The following ARHGEF28 variants were observed in gnomAD, a reference collection of about 807,000 sequenced individuals.
ARHGEF28 encodes Rho guanine nucleotide exchange factor 28.
In ARHGEF28, 152 loss-of-function variants were observed where a neutral mutation model predicts 206.6. The observed-to-expected ratio is 0.74, with a 90% CI of 0.64 to 0.84. The LOEUF is 0.84. ARHGEF28 is among the 40% of genes least tolerant of loss of function. The probability of loss-of-function intolerance (pLI) is 0.00; values close to 1 mark genes in which losing one functional copy is unlikely to be tolerated. For missense variants in ARHGEF28, 2,028 were observed against 2,073.2 expected (o/e 0.98, Z 0.42); for synonymous variants, 763 against 776.4 (o/e 0.98, Z 0.29).
intron 2 of ARHGEF28, among the ~76,000 whole-genome samples, chr5:73,703,009 A>G (rs1022884832): frequency 1.3e-5 from 2 of 152,236 alleles, no homozygotes; most frequent in Admixed American, 6.5e-5. Context: ...CTGTTTGGGT[A>G]GGAAAAGTGA....
In ARHGEF28 at chr5:73,840,816, G is replaced by T. The variant is rs529324972; in HGVS notation, c.1427+56G>T. On this transcript the variant is annotated intron_variant, in intron 11 of 35. Transcript: ENST00000513042. ...AGAACATCAAAGAACCTTATAGGTAGACTTCAAAAATTCTAGTTTTAAACT... is the reference window on the plus strand; with the variant it reads ...AGAACATCAAAGAACCTTATAGGTATACTTCAAAAATTCTAGTTTTAAACT... 6.3e-5 allele frequency: 95 copies of T among 1,498,138 alleles called. No homozygotes were observed. The South Asian group carries it at 1.2e-3, about 20-fold the overall frequency. 92.8% of individuals were successfully genotyped at this position (1,498,138 alleles called of 1,614,324 possible).
At chr5:73,914,546 G>A (rs554963601) in intron 35 of ARHGEF28, among the ~76,000 whole-genome samples, 3 of 150,968 alleles carry the variant, frequency 2.0e-5, no homozygotes, top group South Asian at 2.1e-4. Context: ...ACAGGTGCCC[G>A]CCATCACACC....
chr5:73,874,058 T>C (rs966173648), intron 22 of ARHGEF28, among the ~76,000 whole-genome samples: 4 of 152,208 alleles, frequency 2.6e-5, no homozygotes, highest in African/African-American at 9.6e-5. Flanking sequence ...TTTTTAATTT[T>C]GGCTATTTTA....
chr5:73,679,970 C>T (rs1746958987), intron 1 of ARHGEF28, among the ~76,000 whole-genome samples: 1 of 152,112 alleles, frequency 6.6e-6, no homozygotes, highest in African/African-American at 2.4e-5. Context: ...ATTAATGTCC[C>T]ATAGAATATT....
At chr5:73,901,098 G>A in intron 30 of ARHGEF28, 86 bp from the exon 31 acceptor site, 1 of 973,072 alleles carries the variant, frequency 1.0e-6, no homozygotes, top group East Asian at 2.7e-5. Flanking sequence ...TTTGAAATAT[G>A]TGTTGGCCGT....
intron 12 of ARHGEF28, among the ~76,000 whole-genome samples, chr5:73,848,663 C>T (rs1466161944): frequency 1.8e-4 from 28 of 152,000 alleles, no homozygotes; most frequent in Admixed American, 1.8e-3. Flanking sequence ...ATAATAAACT[C>T]ATTGTTGAAT....
chr5:73,847,225 A>G (rs576064668), intron 12 of ARHGEF28, among the ~76,000 whole-genome samples: 1 of 152,208 alleles, frequency 6.6e-6, no homozygotes, highest in Non-Finnish European at 1.5e-5. Flanking sequence ...TATGGTTGTT[A>G]TGATAATACC....
At chr5:73,853,666 G>GAT (rs1467413869) in intron 14 of ARHGEF28, among the ~76,000 whole-genome samples, 1 of 152,156 alleles carries the variant, frequency 6.6e-6, no homozygotes, top group Non-Finnish European at 1.5e-5. Flanking sequence ...TGAGGATGAT[G>GAT]ATAGCAAAAG....
At chr5:73,791,665 C>T (rs933649026) in intron 7 of ARHGEF28, among the ~76,000 whole-genome samples, 2 of 152,122 alleles carry the variant, frequency 1.3e-5, no homozygotes, top group Non-Finnish European at 2.9e-5. Flanking sequence ...TTAGGCGAAT[C>T]TGTTTCTTAA....
chr5:73,750,545 A>G (rs1476557377), intron 3 of ARHGEF28, among the ~76,000 whole-genome samples: 1 of 152,056 alleles, frequency 6.6e-6, no homozygotes, highest in South Asian at 2.1e-4. Context: ...AAATGCTTAC[A>G]TTTGGAAACC....
At chr5:73,639,168 T>C (rs997551103) in intron 1 of ARHGEF28, among the ~76,000 whole-genome samples, 2 of 151,274 alleles carry the variant, frequency 1.3e-5, no homozygotes, top group African/African-American at 4.8e-5. Flanking sequence ...CAAACTTACA[T>C]GAAGTATTGT....
intron 2 of ARHGEF28, among the ~76,000 whole-genome samples, chr5:73,709,349 C>T (rs1410089127): frequency 6.6e-6 from 1 of 152,128 alleles, no homozygotes; most frequent in African/African-American, 2.4e-5. Context: ...ACAGTCAAAC[C>T]CTGCTCCCAC....
At chr5:73,750,122 G>A in intron 3 of ARHGEF28, 138 bp downstream of exon 3, 4 of 930,214 alleles carry the variant, frequency 4.3e-6, no homozygotes, top group Non-Finnish European at 4.8e-6. Context: ...GCCTGTGTGT[G>A]TATGTGTATA....
At chr5:73,817,795 A>G (rs1181124132) in intron 9 of ARHGEF28, among the ~76,000 whole-genome samples, 2 of 152,042 alleles carry the variant, frequency 1.3e-5, no homozygotes, top group East Asian at 3.9e-4. Flanking sequence ...ATGTTTCACC[A>G]CCTCTTAGTA....
At chr5:73,810,013 A>G (rs537939505) in intron 9 of ARHGEF28, among the ~76,000 whole-genome samples, 34 of 150,430 alleles carry the variant, frequency 2.3e-4, no homozygotes, top group Admixed American at 4.0e-4. Flanking sequence ...TAAACTACAG[A>G]AAAAAAACCC....
chr5:73,938,626 AT>A (rs1306691661), intron 35 of ARHGEF28, among the ~76,000 whole-genome samples: 1 of 152,084 alleles, frequency 6.6e-6, no homozygotes, highest in Non-Finnish European at 1.5e-5. Flanking sequence ...ATTTGGGGGC[AT>A]TTTTTTGAAG....
chr5:73,685,779 C>T (rs1285528808), intron 2 of ARHGEF28, among the ~76,000 whole-genome samples: 2 of 152,156 alleles, frequency 1.3e-5, no homozygotes, highest in East Asian at 1.9e-4. Context: ...CATGCCACCA[C>T]GCCTGGCTAA....
intron 34 of ARHGEF28, 31 bp from the exon 35 acceptor site, chr5:73,911,244 T>A: frequency 6.6e-7 from 1 of 1,517,634 alleles, no homozygotes. Flanking sequence ...TTAGAAAAAT[T>A]ATTGTACTTT....
intron 9 of ARHGEF28, 167 bp downstream of exon 9, chr5:73,795,558 A>G: frequency 3.3e-6 from 2 of 612,694 alleles, no homozygotes; most frequent in Non-Finnish European, 2.8e-6. Context: ...TTGTAATACT[A>G]TGACTCTAGA....
Sources: allele counts gnomAD v4.1 joint callset (sites outside exome capture counted in the v4.1 genomes callset), GRCh38; gene constraint gnomAD v4.1.1; transcripts MANE v1.5; gene names NCBI Gene and HGNC (gene_info 2026-07-23, HGNC 2026-07-21).